Variants in CAPN9 observed in about 807,000 individuals in gnomAD.
CAPN9 encodes calpain-9.
A neutral mutation model predicts 92.8 loss-of-function variants in CAPN9; 81 were observed. The ratio of observed to expected loss-of-function variants is 0.87; its 90% CI spans 0.73 to 1.05. The LOEUF is 1.05. Ranked by LOEUF, CAPN9 falls within the 50% of genes least tolerant of loss-of-function variation. The probability of loss-of-function intolerance (pLI) is 0.00; values close to 1 mark genes in which losing one functional copy is unlikely to be tolerated. For missense variants in CAPN9, 848 were observed against 866.2 expected, an observed-to-expected ratio of 0.98 and a Z score of 0.26; for synonymous variants, 304 against 328.0, an observed-to-expected ratio of 0.93 and a Z score of 0.79.
intron 2 of CAPN9, among the ~76,000 whole-genome samples, chr1:230,758,793 A>G (rs1665421378): frequency 6.6e-6 from 1 of 152,200 alleles, no homozygotes; most frequent in Non-Finnish European, 1.5e-5. Context: ...CCTCCCAGAT[A>G]TCTGCTTACA....
intron 4 of CAPN9, 47 bp from the exon 5 acceptor site, chr1:230,767,494 C>T (rs1283940959): frequency 1.0e-5 from 15 of 1,500,292 alleles, no homozygotes; most frequent in East Asian, 2.4e-5. Context: ...CCCCAGTGGC[C>T]TCCCTAGGTC....
At chr1:230,749,961 T>C (rs1328031408) in intron 1 of CAPN9, among the ~76,000 whole-genome samples, 4 of 152,206 alleles carry the variant, frequency 2.6e-5, no homozygotes, top group African/African-American at 9.7e-5. Flanking sequence ...AAAGTTAGAA[T>C]TCTCCAAGAT....
rs934921534 is a variant in CAPN9 at position 230,786,220 on chromosome 1, G to A, written c.1518+203G>A. 6 of 966,506 alleles carry A rather than the reference G, an allele frequency of 6.2e-6. No homozygotes were observed. The African/African-American group carries it at 8.8e-5, about 14-fold the overall frequency. The allele number at this position is 966,506 out of a possible 1,614,324, so 59.9% of individuals were successfully genotyped here. ...TTCTAGTCCACAAGGACCTGGCATG[G>A]GAGTGAGGTGGGTGCTTGGTATAAA... On this transcript the variant is annotated intron_variant, in intron 12 of 19. Transcript: ENST00000271971.
chr1:230,769,163 C>G lies in CAPN9; in HGVS notation c.706-17C>G, dbSNP rs1298873796. The G allele has an allele frequency of 6.2e-7, 1 of 1,608,122 alleles. No homozygotes were observed. The highest frequency in any genetic ancestry group is 8.5e-7 in the Non-Finnish European group (1 of 1,174,804). The stretch of plus-strand genomic sequence containing the variant: ...GACTTAGACGGTGGGTGTGACTCTG[C>G]TCTTTCCATGTTTTAGACCAGAAGT... On this transcript the variant is annotated splice_polypyrimidine_tract_variant and intron_variant, in intron 5 of 19. Transcript: ENST00000271971.
intron 1 of CAPN9, among the ~76,000 whole-genome samples, chr1:230,749,680 G>C (rs1664644950): frequency 6.6e-6 from 1 of 152,218 alleles, no homozygotes; most frequent in Non-Finnish European, 1.5e-5. Flanking sequence ...ATATGAAAAG[G>C]TTGGAAGCAC....
intron 18 of CAPN9, among the ~76,000 whole-genome samples, chr1:230,796,758 C>A (rs867772947): frequency 1.3e-5 from 2 of 152,248 alleles, no homozygotes. Context: ...GCTAGTTTCT[C>A]TTCTCTCCAT....
Position 230,779,023 on chromosome 1 carries a change from A to C in CAPN9, c.1004A>C (p.Asn335Thr), listed in dbSNP as rs143810036. Reference protein sequence around the residue: ...KAHFDKVEICNLTPDALEEDA... With the variant: ...KAHFDKVEICTLTPDALEEDA... ...CACTTTGATAAAGTGGAGATCTGCA[A>C]CCTCACTCCCGATGCCCTGGAGGAA... The change falls in exon 9 of 20, where the codon AAC becomes ACC. Residue 335 changes from asparagine to threonine, a missense_variant. By Grantham distance (65) the Asn-to-Thr change is moderately conservative. Coordinates refer to ENST00000271971, the MANE Select transcript of CAPN9 (RefSeq NM_006615.3). 1 of 1,612,752 alleles carries C rather than the reference A, an allele frequency of 6.2e-7. No individual in the cohort carries two copies. The highest frequency in any genetic ancestry group is 1.7e-5 in the Admixed American group (1 of 59,894).
chr1:230,800,289 A>C (rs557050643), intron 19 of CAPN9, among the ~76,000 whole-genome samples: 32 of 121,164 alleles, frequency 2.6e-4, no homozygotes, highest in Non-Finnish European at 3.7e-4. Context: ...AAAGAAAGAA[A>C]GAAAGAAAGA....
chr1:230,764,664 A>C (rs1454553308), intron 4 of CAPN9, among the ~76,000 whole-genome samples: 4 of 152,248 alleles, frequency 2.6e-5, no homozygotes, highest in Admixed American at 6.5e-5. Context: ...AGTTGCTAAA[A>C]TTGTTTCTTG....
chr1:230,792,901 G>T lies in CAPN9; in HGVS notation c.1843G>T (p.Glu615Ter). The T allele has an allele frequency of 6.2e-7, 1 of 1,614,030 alleles. No individual in the cohort carries two copies. The highest frequency in any genetic ancestry group is 8.5e-7 in the Non-Finnish European group (1 of 1,179,914). The change falls in exon 17 of 20, where the codon GAA (glutamate) becomes TAA (stop). Residue 615 changes from glutamate to a stop codon, truncating the protein, a stop_gained. Coordinates refer to ENST00000271971, the MANE Select transcript of CAPN9 (RefSeq NM_006615.3). LOFTEE classifies it high-confidence loss of function. The stretch of plus-strand genomic sequence containing the variant: ...CAAGTCCGGCACCATGTCTACCTAT[G>T]AACTACGGACTGCACTGAAAGCTGC... The part of the protein sequence containing the change: ...ADKSGTMSTY[E>*]LRTALKAAGF...
Position 230,772,007 on chromosome 1 carries a change from C to T in CAPN9, c.790-7C>T. The T allele has an allele frequency of 1.9e-6, 3 of 1,613,606 alleles. No individual in the cohort carries two copies. The highest frequency in any genetic ancestry group is 2.5e-6 in the Non-Finnish European group (3 of 1,179,448). ...TTTCACACTTCCCTCATGCTTTTCC[C>T]TTCTAGGTAAGCTTCCGAGGCCAGA... On this transcript the variant is annotated splice_region_variant and splice_polypyrimidine_tract_variant and intron_variant, in intron 6 of 19. Transcript: ENST00000271971.
At chr1:230,766,220 C>T (rs1041506621) in intron 4 of CAPN9, among the ~76,000 whole-genome samples, 4 of 152,086 alleles carry the variant, frequency 2.6e-5, no homozygotes, top group African/African-American at 4.8e-5. Flanking sequence ...CTCAGCCTCC[C>T]GAAATGCTGG....
Position 230,800,237 on chromosome 1 carries a change from AG to A in CAPN9, c.2047-1332del, listed in dbSNP as rs1268905286. ...AAGAAAAATAAGAAAGAAAGAAGAA[AG>A]AAAGAAAGAAAGAAAGAAAGAAAGA... On this transcript the variant is annotated intron_variant, in intron 19 of 19. Transcript: ENST00000271971. Among the ~76,000 whole-genome samples the A allele has an allele frequency of 1.2e-4, 8 of 65,620 alleles. 1 individual carries two copies. The East Asian group carries it at 1.4e-3, about 12-fold the overall frequency. 43.0% of individuals were successfully genotyped at this position (65,620 alleles called of 152,430 possible).
rs112157806 is a variant in CAPN9, at chr1:230,747,827, A to G, written c.213+118A>G. The G allele has an allele frequency of 1.6e-5, 13 of 831,896 alleles. No homozygotes were observed. In the African/African-American group the frequency reaches 1.9e-4, roughly 12 times the overall value. 51.5% of individuals were successfully genotyped at this position (831,896 alleles called of 1,614,324 possible). On this transcript the variant is annotated intron_variant, in intron 1 of 19. Coordinates refer to ENST00000271971, the MANE Select transcript of CAPN9 (RefSeq NM_006615.3). ...GCTACGCTCAGTGCAACTGAGGTGC[A>G]TCATCCCAGTCTACCGTGGAAAGCT...
At chr1:230,778,412 C>T (rs1311098797) in intron 8 of CAPN9, among the ~76,000 whole-genome samples, 1 of 152,206 alleles carries the variant, frequency 6.6e-6, no homozygotes, top group Non-Finnish European at 1.5e-5. Flanking sequence ...GCATGTGACT[C>T]CTCTGTTTAC....
intron 14 of CAPN9, among the ~76,000 whole-genome samples, chr1:230,790,965 G>C (rs770944138): frequency 6.6e-6 from 1 of 152,172 alleles, no homozygotes; most frequent in Non-Finnish European, 1.5e-5. Flanking sequence ...GGAAAAAAAG[G>C]AATCATACAA....
intron 19 of CAPN9, among the ~76,000 whole-genome samples, chr1:230,800,285 A>G (rs1005599081): frequency 1.1e-4 from 14 of 127,296 alleles, no homozygotes; most frequent in African/African-American, 3.5e-4. Context: ...AAAGAAAGAA[A>G]GAAAGAAAGA....
At chr1:230,790,474 T>C in intron 14 of CAPN9, 1 of 184,066 alleles carries the variant, frequency 5.4e-6, no homozygotes, top group Non-Finnish European at 1.0e-5. Context: ...TCTGCATGTA[T>C]GTACATGTGT....
In CAPN9 at chr1:230,747,548, G is replaced by C. The variant is rs182226726; in HGVS notation, c.52G>C (p.Asp18His). Residue 18 changes from aspartate (D) to histidine (H), a missense_variant, in exon 1 of 20, where the codon GAC (aspartate) becomes CAC (histidine). Asp to His is a moderately conservative substitution (Grantham distance 81). Coordinates refer to ENST00000271971, the MANE Select transcript of CAPN9 (RefSeq NM_006615.3). Reference protein sequence around the residue: ...PGPQAHPVPKDARITHSSGQS... With the variant: ...PGPQAHPVPKHARITHSSGQS... ...GCCTCAGGCACACCCGGTTCCCAAG[G>C]ACGCCCGGATCACCCACTCCTCAGG... The C allele has an allele frequency of 1.9e-6, 3 of 1,614,146 alleles. No individual in the cohort carries two copies. The highest frequency in any genetic ancestry group is 2.5e-6 in the Non-Finnish European group (3 of 1,180,040).
Sources: gnomAD v4.1 joint callset for allele counts (sites outside exome capture counted in the v4.1 genomes callset) on GRCh38, gnomAD v4.1.1 for gene constraint, MANE v1.5 for transcripts, NCBI Gene and HGNC (gene_info 2026-07-23, HGNC 2026-07-21) for gene names.